Variants in PDZD9 observed in about 807,000 individuals in gnomAD.
PDZD9 encodes the protein PDZ domain-containing protein 9.
In PDZD9, 13 loss-of-function variants were observed where a neutral mutation model predicts 16.3. That is an observed-to-expected ratio of 0.80 (90% confidence interval 0.52 to 1.27). The LOEUF is 1.27. PDZD9 is among the 50% of genes most tolerant of loss of function. PDZD9 has a pLI of 0.00. For missense variants in PDZD9, 288 were observed against 310.9 expected, an observed-to-expected ratio of 0.93 and a Z score of 0.55; for synonymous variants, 120 against 111.0, an observed-to-expected ratio of 1.08 and a Z score of -0.51.
At chr16:21,984,922 C>T (rs1248813873) in intron 3 of PDZD9, among the ~76,000 whole-genome samples, 1 of 152,082 alleles carries the variant, frequency 6.6e-6, no homozygotes, top group Admixed American at 6.5e-5. Context: ...GACTACTGAC[C>T]AGAATATTAG....
At chr16:21,968,043 C>T in the PDZD9 span, among the ~76,000 whole-genome samples, 1 of 149,684 alleles carries the variant, frequency 6.7e-6, no homozygotes, top group Admixed American at 6.7e-5. Flanking sequence ...GCTGTGTCGC[C>T]CAGGCCAGAG....
the PDZD9 span, among the ~76,000 whole-genome samples, chr16:21,964,386 A>G: frequency 6.6e-6 from 1 of 152,084 alleles, no homozygotes; most frequent in Admixed American, 6.5e-5. Flanking sequence ...CCACACGGCC[A>G]TTACAGTGAT....
intron 3 of PDZD9, among the ~76,000 whole-genome samples, chr16:21,987,550 T>C (rs1597976351): frequency 6.6e-6 from 1 of 151,422 alleles, no homozygotes. Flanking sequence ...TGGCCAGAGG[T>C]AACAGGAAAA....
At chr16:21,971,256 A>G in the PDZD9 span, among the ~76,000 whole-genome samples, 124 of 152,206 alleles carry the variant, frequency 8.1e-4, 10 homozygotes. Flanking sequence ...ATATCAATAG[A>G]ATGATACCAT....
At chr16:21,957,668 C>T in the PDZD9 span, 18 of 1,476,960 alleles carry the variant, frequency 1.2e-5, no homozygotes, top group Admixed American at 1.5e-4. Flanking sequence ...GATTCCTTGA[C>T]CTGCCATAAC....
chr16:21,972,876 C>A, the PDZD9 span, among the ~76,000 whole-genome samples: 8 of 152,112 alleles, frequency 5.3e-5, no homozygotes, highest in African/African-American at 1.9e-4. Flanking sequence ...CCAAGTTGGG[C>A]GGATCACAAG....
the PDZD9 span, among the ~76,000 whole-genome samples, chr16:21,972,576 T>C: frequency 6.6e-6 from 1 of 152,040 alleles, no homozygotes. Context: ...AGATTAAATT[T>C]GAAAAGAAAA....
At chr16:21,975,356 G>A in the PDZD9 span, among the ~76,000 whole-genome samples, 3 of 152,114 alleles carry the variant, frequency 2.0e-5, no homozygotes, top group Non-Finnish European at 4.4e-5. Context: ...TGAGGTCGGG[G>A]TCTTAGAATT....
At chr16:21,973,203 C>G in the PDZD9 span, among the ~76,000 whole-genome samples, 2 of 152,200 alleles carry the variant, frequency 1.3e-5, no homozygotes, top group African/African-American at 4.8e-5. Context: ...TAAGAATTAC[C>G]TGGAACACTT....
chr16:21,982,510 GC>G (rs1314539319), downstream of PDZD9, among the ~76,000 whole-genome samples: 2 of 152,108 alleles, frequency 1.3e-5, no homozygotes, highest in Non-Finnish European at 2.9e-5. Context: ...TCTTTGAACA[GC>G]TACCCTCTTA....
the PDZD9 span, among the ~76,000 whole-genome samples, chr16:21,970,907 C>G: frequency 6.6e-6 from 1 of 151,946 alleles, no homozygotes; most frequent in Non-Finnish European, 1.5e-5. Context: ...AATGTCTATT[C>G]AAGTCTTTGC....
intron 3 of PDZD9, among the ~76,000 whole-genome samples, chr16:21,988,081 C>T (rs1300009825): frequency 7.0e-6 from 1 of 143,100 alleles, no homozygotes; most frequent in East Asian, 2.0e-4. Context: ...GATCTCGGCT[C>T]ACTGCAACCT....
At chr16:22,000,861 GATGATGATGATGATA>G (rs1049629628) in intron 1 of PDZD9, among the ~76,000 whole-genome samples, 141 bp downstream of exon 1, 3 of 151,384 alleles carry the variant, frequency 2.0e-5, no homozygotes, top group South Asian at 2.1e-4. Flanking sequence ...TGATGATGAT[GATGATGATGATGATA>G]ATGATGATGA....
At chr16:21,981,280 T>G (rs1898720862), downstream of PDZD9, among the ~76,000 whole-genome samples, 1 of 152,180 alleles carries the variant, frequency 6.6e-6, no homozygotes, top group African/African-American at 2.4e-5. Context: ...GACTATGTCA[T>G]GTACTTCTTT....
the PDZD9 span, among the ~76,000 whole-genome samples, chr16:21,964,020 G>T: frequency 7.2e-5 from 11 of 152,148 alleles, no homozygotes; most frequent in Non-Finnish European, 1.5e-4. Flanking sequence ...AAGCGCCGCT[G>T]ACTCTTGGGA....
rs1191815429 is a variant in PDZD9 at position 21,988,627 on chromosome 16, G to A, written c.376C>T (p.Pro126Ser). The change falls in exon 3 of 4, where the codon CCT (proline) becomes TCT (serine). Residue 126 changes from proline to serine, a missense_variant. Physicochemically the swap from Pro to Ser is moderately conservative, Grantham distance 74. Transcript: ENST00000424898. The stretch of plus-strand genomic sequence containing the variant: ...CTTGTTACTGGGAATTTGGCCTCAG[G>A]GATTAAATCATATATTTCTTGCCAT... ...EEWQEIYDLI[P>S]EAKFPVTSTP... 3.1e-6 allele frequency: 5 copies of A among 1,611,012 alleles called. No homozygotes were observed. In the African/African-American group the frequency reaches 5.4e-5, roughly 17 times the overall value.
downstream of PDZD9, chr16:21,983,360 C>A (rs543763530): frequency 5.7e-6 from 3 of 530,032 alleles, no homozygotes; most frequent in Non-Finnish European, 6.5e-6. Context: ...GTTTTTCTTA[C>A]GTTTTTCTCA....
At chr16:21,973,058 C>T in the PDZD9 span, among the ~76,000 whole-genome samples, 2 of 152,206 alleles carry the variant, frequency 1.3e-5, no homozygotes, top group African/African-American at 2.4e-5. Flanking sequence ...TGAGATCGTG[C>T]CACTGCACTC....
rs528505983 is a variant in PDZD9 at position 21,989,392 on chromosome 16, CATTT to C, written c.212-605_212-602del. 4.6e-5 allele frequency among the ~76,000 whole-genome samples: 7 copies of C among 152,194 alleles called. No homozygotes were observed. In the South Asian group the frequency reaches 1.2e-3, roughly 27 times the overall value. On this transcript the variant is annotated intron_variant, in intron 2 of 3. Coordinates refer to ENST00000424898, the MANE Select transcript of PDZD9 (RefSeq NM_001363519.1). ...TCTTGGTGTGACAGAGGCTAAAAAA[CATTT>C]ATAATCGGAACCAGCTGTTAGGATT...
Sources: allele counts gnomAD v4.1 joint callset (sites outside exome capture counted in the v4.1 genomes callset), GRCh38; gene constraint gnomAD v4.1.1; transcripts MANE v1.5; gene names NCBI Gene and HGNC (gene_info 2026-07-23, HGNC 2026-07-21).